The following AP3B1 variants were observed in gnomAD, a reference collection of about 807,000 sequenced individuals.
AP3B1 encodes adaptor related protein complex 3 subunit beta 1.
Under a neutral mutation model 132.5 loss-of-function variants are expected in AP3B1, and 61 were observed. The observed-to-expected ratio is 0.46, with a 90% CI of 0.37 to 0.57. The LOEUF is 0.57. Ranked by LOEUF, AP3B1 falls within the 20% of genes least tolerant of loss-of-function variation. AP3B1 has a pLI of 0.00. For missense variants in AP3B1, 1,120 were observed against 1,289.4 expected, an observed-to-expected ratio of 0.87 and a Z score of 2.01; for synonymous variants, 388 against 438.3, an observed-to-expected ratio of 0.89 and a Z score of 1.43.
At chr5:78,259,039 C>T (rs542618105) in intron 2 of AP3B1, among the ~76,000 whole-genome samples, 1 of 152,120 alleles carries the variant, frequency 6.6e-6, no homozygotes, top group South Asian at 2.1e-4. Context: ...AGATCGAGAC[C>T]ATCCTGGCTA....
chr5:78,045,022 T>C (rs1349507670), intron 22 of AP3B1, among the ~76,000 whole-genome samples: 1 of 152,202 alleles, frequency 6.6e-6, no homozygotes, highest in East Asian at 1.9e-4. Flanking sequence ...TCTTTCACAA[T>C]AAACAGGATC....
intron 22 of AP3B1, among the ~76,000 whole-genome samples, chr5:78,080,224 G>C (rs1749934374): frequency 6.6e-6 from 1 of 152,008 alleles, no homozygotes; most frequent in South Asian, 2.1e-4. Context: ...GACCAGGCTG[G>C]TCTGGAACTC....
At chr5:78,209,714 T>C (rs1745655986) in intron 7 of AP3B1, among the ~76,000 whole-genome samples, 1 of 152,190 alleles carries the variant, frequency 6.6e-6, no homozygotes, top group Admixed American at 6.5e-5. Context: ...CTGGCTCAGA[T>C]ACTTTTGAGC....
chr5:78,177,264 T>A, intron 9 of AP3B1, 75 bp downstream of exon 9: 4 of 1,012,214 alleles, frequency 4.0e-6, no homozygotes, highest in Non-Finnish European at 6.1e-6. Context: ...ATTAAATGCC[T>A]GAAAGATTAC....
Position 78,216,140 on chromosome 5 carries a change from A to C in AP3B1, c.701T>G (p.Val234Gly), listed in dbSNP as rs746144113. Residue 234 changes from valine to glycine, a missense_variant, in exon 7 of 27, where the codon GTG becomes GGG. By Grantham distance (109) the Val-to-Gly change is moderately radical. Around this residue, in one of 3 missense-constraint regions of AP3B1, gnomAD observed 129 missense variants for 212.4 expected, o/e 0.61. Coordinates refer to ENST00000255194, the MANE Select transcript of AP3B1 (RefSeq NM_003664.5). ...AACCTGCCCCCACTCTTCAACATCC[A>C]CTAGTAAGTTACATAGCTTGCGGTA... Reference protein sequence around the residue: ...KNYRKLCNLLVDVEEWGQVVI... With the variant: ...KNYRKLCNLLGDVEEWGQVVI... The C allele has an allele frequency of 6.2e-7, 1 of 1,614,020 alleles. No individual in the cohort carries two copies.
At chr5:78,215,244 A>G (rs904630756) in intron 7 of AP3B1, among the ~76,000 whole-genome samples, 1 of 151,916 alleles carries the variant, frequency 6.6e-6, no homozygotes, top group Non-Finnish European at 1.5e-5. Context: ...TTTAAAATCT[A>G]TAATACTGTA....
intron 1 of AP3B1, among the ~76,000 whole-genome samples, chr5:78,281,990 A>G (rs1393930983): frequency 6.6e-6 from 1 of 152,182 alleles, no homozygotes; most frequent in Non-Finnish European, 1.5e-5. Context: ...CTAAAAGAAA[A>G]AAAAGCTCGT....
intron 1 of AP3B1, among the ~76,000 whole-genome samples, chr5:78,275,379 T>C (rs866950663): frequency 2.6e-5 from 4 of 152,176 alleles, no homozygotes; most frequent in Admixed American, 6.5e-5. Flanking sequence ...TAATTTTACA[T>C]TTATATGCAA....
At chr5:78,049,289 C>T (rs1196495789) in intron 22 of AP3B1, among the ~76,000 whole-genome samples, 1 of 152,140 alleles carries the variant, frequency 6.6e-6, no homozygotes, top group Non-Finnish European at 1.5e-5. Context: ...TTAGGTATTT[C>T]ACAGCTCTCT....
chr5:78,078,734 A>G lies in AP3B1; in HGVS notation c.2577+10659T>C, dbSNP rs149159219. On this transcript the variant is annotated intron_variant, in intron 22 of 26. Transcript: ENST00000255194. Reference sequence around the variant, plus strand: ...AGTTTTCTAGTCTTTTTCATTCACTAAACTGTGAGCTCCCTTAGGAAGGGA... The same window carrying G: ...AGTTTTCTAGTCTTTTTCATTCACTGAACTGTGAGCTCCCTTAGGAAGGGA... 6.6e-3 allele frequency among the ~76,000 whole-genome samples: 1,005 copies of G among 152,296 alleles called. 11 individuals are homozygous for G. Among genetic ancestry groups the G allele is most frequent in the Admixed American group, 0.012 (176 of 15,292 alleles).
At chr5:78,128,275 T>C in intron 16 of AP3B1, 115 bp from the exon 17 acceptor site, 1 of 969,192 alleles carries the variant, frequency 1.0e-6, no homozygotes, top group Non-Finnish European at 1.5e-6. Context: ...AAGGAATAAA[T>C]ATAGACTAGG....
chr5:78,168,120 T>C (rs1045974016), intron 11 of AP3B1, among the ~76,000 whole-genome samples: 5 of 151,936 alleles, frequency 3.3e-5, no homozygotes, highest in Non-Finnish European at 7.4e-5. Context: ...GTACAAATCA[T>C]TTATTCAGAC....
chr5:78,172,299 A>T (rs552310681), intron 11 of AP3B1, among the ~76,000 whole-genome samples: 1 of 152,322 alleles, frequency 6.6e-6, no homozygotes, highest in African/African-American at 2.4e-5. Flanking sequence ...TGATTGGAAT[A>T]GTTTCAGAAG....
At chr5:78,268,157 C>T (rs1289493713) in intron 1 of AP3B1, among the ~76,000 whole-genome samples, 1 of 152,116 alleles carries the variant, frequency 6.6e-6, no homozygotes, top group Non-Finnish European at 1.5e-5. Flanking sequence ...GAACATACAA[C>T]TACTACACAT....
At chr5:78,219,126 A>G (rs1270319998) in intron 6 of AP3B1, among the ~76,000 whole-genome samples, 1 of 152,094 alleles carries the variant, frequency 6.6e-6, no homozygotes, top group Non-Finnish European at 1.5e-5. Context: ...GCAAAAATCA[A>G]AAAGAGGAAA....
chr5:78,232,972 G>A (rs1156800521), intron 3 of AP3B1, among the ~76,000 whole-genome samples: 15 of 152,266 alleles, frequency 9.9e-5, no homozygotes, highest in African/African-American at 3.6e-4. Flanking sequence ...CTCCCAAAGT[G>A]CTAGGATTAC....
intron 7 of AP3B1, among the ~76,000 whole-genome samples, chr5:78,212,668 A>C (rs1320831065): frequency 6.6e-6 from 1 of 152,144 alleles, no homozygotes; most frequent in Non-Finnish European, 1.5e-5. Flanking sequence ...TAAAAGGATA[A>C]AAAAGAGAGG....
intron 7 of AP3B1, among the ~76,000 whole-genome samples, chr5:78,197,123 T>C (rs1463507490): frequency 6.6e-6 from 1 of 152,034 alleles, no homozygotes; most frequent in Non-Finnish European, 1.5e-5. Context: ...ATATAAGAAA[T>C]CCCTGCACCT....
At chr5:78,144,501 T>G (rs1267271849) in intron 14 of AP3B1, among the ~76,000 whole-genome samples, 1 of 152,142 alleles carries the variant, frequency 6.6e-6, no homozygotes, top group Non-Finnish European at 1.5e-5. Context: ...TCAATTTCAT[T>G]TATTTAAATT....
Sources: gnomAD v4.1 joint callset for allele counts (sites outside exome capture counted in the v4.1 genomes callset) on GRCh38, gnomAD v4.1.1 for gene constraint, gnomAD v4.1.1 regional missense constraint, MANE v1.5 for transcripts, NCBI Gene and HGNC (gene_info 2026-07-23, HGNC 2026-07-21) for gene names.